Variants in PDE4D observed in about 807,000 individuals in gnomAD.
PDE4D encodes the protein 3',5'-cyclic-AMP phosphodiesterase 4D.
In PDE4D, 24 loss-of-function variants were observed where a neutral mutation model predicts 87.4. That is an observed-to-expected ratio of 0.27 (90% CI 0.20 to 0.39). PDE4D has a LOEUF of 0.39. Ranked by LOEUF, PDE4D falls within the 10% of genes least tolerant of loss-of-function variation. The pLI, the probability that PDE4D is intolerant of heterozygous loss-of-function variation, is 1.00. For synonymous variants in PDE4D, 384 were observed against 383.2 expected, an observed-to-expected ratio of 1.00 and a Z score of -0.02; for missense variants, 714 against 1,041.0, an observed-to-expected ratio of 0.69 and a Z score of 4.32.
chr5:59,804,258 G>A (rs1191442623), intron 1 of PDE4D, among the ~76,000 whole-genome samples: 1 of 152,184 alleles, frequency 6.6e-6, no homozygotes, highest in African/African-American at 2.4e-5. Context: ...CCACTTGTAA[G>A]TGAAAACATG....
chr5:59,448,940 G>C (rs1798743758), intron 1 of PDE4D, among the ~76,000 whole-genome samples: 1 of 151,986 alleles, frequency 6.6e-6, no homozygotes, highest in Non-Finnish European at 1.5e-5. Context: ...CAGCAGCTAG[G>C]GAATATCAAC....
At chr5:60,223,242 C>T (rs748415203) in intron 1 of PDE4D, among the ~76,000 whole-genome samples, 1 of 151,960 alleles carries the variant, frequency 6.6e-6, no homozygotes, top group Non-Finnish European at 1.5e-5. Flanking sequence ...TTGAAAGACG[C>T]CATATTACAA....
intron 1 of PDE4D, among the ~76,000 whole-genome samples, chr5:59,769,001 T>C (rs1487468710): frequency 2.0e-5 from 3 of 151,962 alleles, no homozygotes; most frequent in African/African-American, 7.2e-5. Flanking sequence ...TTGACCTTCC[T>C]CTCCCGCAGG....
At chr5:60,160,028 C>T (rs776134652) in intron 2 of PDE4D, among the ~76,000 whole-genome samples, 2 of 152,178 alleles carry the variant, frequency 1.3e-5, no homozygotes, top group Non-Finnish European at 2.9e-5. Context: ...ACAGCAAGAT[C>T]AACCTGACCT....
intron 1 of PDE4D, among the ~76,000 whole-genome samples, chr5:60,440,584 C>T (rs766032402): frequency 2.6e-5 from 4 of 151,658 alleles, no homozygotes; most frequent in Non-Finnish European, 4.4e-5. Context: ...AGAGATAGGG[C>T]GTAGAAAAGG....
At chr5:60,248,856 C>A (rs1748097317) in intron 1 of PDE4D, among the ~76,000 whole-genome samples, 1 of 151,928 alleles carries the variant, frequency 6.6e-6, no homozygotes, top group Admixed American at 6.6e-5. Flanking sequence ...CTTCCCATAG[C>A]CTGACACATC....
At chr5:59,821,514 G>A (rs1312163348) in intron 1 of PDE4D, among the ~76,000 whole-genome samples, 1 of 152,022 alleles carries the variant, frequency 6.6e-6, no homozygotes, top group Admixed American at 6.5e-5. Context: ...TATTTATATT[G>A]TTACTTAATA....
intron 6 of PDE4D, among the ~76,000 whole-genome samples, chr5:59,010,378 CTTTTAAGTATTATTA>C (rs1233678012): frequency 6.6e-6 from 1 of 150,868 alleles, no homozygotes; most frequent in Non-Finnish European, 1.5e-5. Flanking sequence ...TCAAAGTATT[CTTTTAAGTATTATTA>C]TTTTATTTTT....
chr5:60,416,138 T>C (rs575212107), intron 1 of PDE4D, among the ~76,000 whole-genome samples: 9 of 152,046 alleles, frequency 5.9e-5, no homozygotes, highest in Non-Finnish European at 8.8e-5. Flanking sequence ...AGTGTGGACA[T>C]GGAGAACTTT....
intron 3 of PDE4D, among the ~76,000 whole-genome samples, chr5:59,928,312 A>T (rs2152785179): frequency 6.6e-6 from 1 of 152,264 alleles, no homozygotes; most frequent in African/African-American, 2.4e-5. Flanking sequence ...AACAGTAGAA[A>T]AGGATAAAGG....
chr5:59,773,905 C>T (rs1015337396), intron 1 of PDE4D, among the ~76,000 whole-genome samples: 3 of 152,010 alleles, frequency 2.0e-5, no homozygotes, highest in African/African-American at 7.2e-5. Context: ...AAACTCCCAA[C>T]AAAGAAAATA....
chr5:59,828,781 T>G (rs1770630747), intron 1 of PDE4D, among the ~76,000 whole-genome samples: 1 of 152,070 alleles, frequency 6.6e-6, no homozygotes, highest in South Asian at 2.1e-4. Context: ...GTATGAACAC[T>G]GCATCTCATG....
intron 1 of PDE4D, among the ~76,000 whole-genome samples, chr5:59,487,998 A>G (rs559401375): frequency 6.6e-6 from 1 of 152,078 alleles, no homozygotes; most frequent in Non-Finnish European, 1.5e-5. Context: ...GTGTGTACAC[A>G]GAGACACAGA....
intron 1 of PDE4D, among the ~76,000 whole-genome samples, chr5:59,752,609 G>A (rs1444943907): frequency 6.6e-6 from 1 of 152,058 alleles, no homozygotes; most frequent in Non-Finnish European, 1.5e-5. Flanking sequence ...CCCCTACAAG[G>A]GAAAACTGGC....
At chr5:59,551,173 A>G (rs1388735345) in intron 1 of PDE4D, among the ~76,000 whole-genome samples, 1 of 151,364 alleles carries the variant, frequency 6.6e-6, no homozygotes, top group Non-Finnish European at 1.5e-5. Flanking sequence ...TTCTCGCTCT[A>G]GTGATATGCT....
At chr5:59,075,762 G>A (rs1765588858) in intron 5 of PDE4D, among the ~76,000 whole-genome samples, 1 of 151,984 alleles carries the variant, frequency 6.6e-6, no homozygotes, top group Admixed American at 6.6e-5. Flanking sequence ...TATAAGTATT[G>A]TCTTTTAGAA....
chr5:59,059,463 ACT>A (rs1762819172), intron 5 of PDE4D, among the ~76,000 whole-genome samples: 1 of 152,110 alleles, frequency 6.6e-6, no homozygotes, highest in African/African-American at 2.4e-5. Flanking sequence ...AGACTTTAGG[ACT>A]CTCTCTACGA....
intron 1 of PDE4D, among the ~76,000 whole-genome samples, chr5:59,634,405 C>T (rs1831980122): frequency 6.6e-6 from 1 of 152,216 alleles, no homozygotes; most frequent in Admixed American, 6.5e-5. Context: ...ATCTACAGAA[C>T]TCTCCACCAC....
rs748880582 is a variant in PDE4D, at chr5:58,991,853, T to A, written c.1167A>T (p.Glu389Asp). 26 of 1,517,012 alleles carry A rather than the reference T, an allele frequency of 1.7e-5. No homozygotes were observed. In the Middle Eastern group the frequency reaches 1.0e-3, roughly 61 times the overall value. 94.0% of individuals were successfully genotyped at this position (1,517,012 alleles called of 1,614,324 possible). Residue 389 changes from glutamate to aspartate, a missense_variant, in exon 8 of 15, where the codon GAA becomes GAT. Physicochemically the swap from Glu to Asp is conservative, Grantham distance 45. Around this residue, in one of 7 missense-constraint regions of PDE4D, gnomAD observed 141 missense variants for 204.3 expected, o/e 0.69. Coordinates refer to ENST00000340635, the MANE Select transcript of PDE4D (RefSeq NM_001104631.2). Reference sequence around the variant, plus strand: ...ATACCTTGGCAAGGACATCTTCTTGTTCAGTTTTAACTCCAAACCTTGGGA... The same window carrying A: ...ATACCTTGGCAAGGACATCTTCTTGATCAGTTTTAACTCCAAACCTTGGGA... ...SSIPRFGVKTEQEDVLAKELE... is the reference protein window; with the variant it reads ...SSIPRFGVKTDQEDVLAKELE...
Sources: gnomAD v4.1 joint callset for allele counts (sites outside exome capture counted in the v4.1 genomes callset) on GRCh38, gnomAD v4.1.1 for gene constraint, gnomAD v4.1.1 regional missense constraint, MANE v1.5 for transcripts, NCBI Gene and HGNC (gene_info 2026-07-23, HGNC 2026-07-21) for gene names.